VAV2: variants seen among roughly 807,000 people sequenced by gnomAD.
VAV2 encodes guanine nucleotide exchange factor VAV2.
Under a neutral mutation model 132.5 loss-of-function variants are expected in VAV2, and 67 were observed. The ratio of observed to expected loss-of-function variants is 0.51; its 90% CI spans 0.42 to 0.62. The LOEUF is 0.62. VAV2 is among the 20% of genes least tolerant of loss of function. VAV2 has a pLI of 0.00. For missense variants in VAV2, 938 were observed against 1,153.6 expected (o/e 0.81, Z 2.71); for synonymous variants, 492 against 443.5 (o/e 1.11, Z -1.37).
intron 1 of VAV2, among the ~76,000 whole-genome samples, chr9:133,975,510 T>C (rs776639705): frequency 2.6e-5 from 4 of 152,326 alleles, no homozygotes; most frequent in African/African-American, 4.8e-5. Context: ...ACGACATGTA[T>C]TGCGGAAAGT....
intron 2 of VAV2, among the ~76,000 whole-genome samples, chr9:133,877,609 A>T (rs1838312775): frequency 6.6e-6 from 1 of 152,110 alleles, no homozygotes; most frequent in Non-Finnish European, 1.5e-5. Context: ...CTTAAAGGGA[A>T]AGCACCCAGA....
In VAV2 at chr9:133,824,785, T is replaced by A. The variant is rs1835919698; in HGVS notation, c.449+9487A>T. ...GACCCTTGGAGAGACAGAGCTGGGCTCAAATTGCAGCTCTGCCCCCTAGTT... is the reference window on the plus strand; with the variant it reads ...GACCCTTGGAGAGACAGAGCTGGGCACAAATTGCAGCTCTGCCCCCTAGTT... On this transcript the variant is annotated intron_variant, in intron 4 of 29. Transcript: ENST00000371850. The surrounding 1 kb of genome is among the most constrained non-coding windows in gnomAD (Gnocchi z 5.2). 6.6e-6 allele frequency among the ~76,000 whole-genome samples: 1 copy of A among 152,096 alleles called. No individual in the cohort carries two copies. Among genetic ancestry groups the A allele is most frequent in the Admixed American group, 6.5e-5 (1 of 15,286 alleles).
intron 1 of VAV2, among the ~76,000 whole-genome samples, chr9:133,986,405 C>T (rs1261051430): frequency 6.6e-6 from 1 of 152,204 alleles, no homozygotes; most frequent in Non-Finnish European, 1.5e-5. Flanking sequence ...GGGACACAGC[C>T]ACAGGCAGCC....
chr9:133,888,614 T>C (rs1027963749), intron 2 of VAV2, among the ~76,000 whole-genome samples: 1 of 152,172 alleles, frequency 6.6e-6, no homozygotes, highest in Non-Finnish European at 1.5e-5. Flanking sequence ...GGGAAGGGCT[T>C]TTCCAGCTTC....
At chr9:133,915,584 G>GCACACA (rs72509728) in intron 2 of VAV2, among the ~76,000 whole-genome samples, 3 of 150,030 alleles carry the variant, frequency 2.0e-5, no homozygotes, top group Non-Finnish European at 2.9e-5. Context: ...CAAAGACAAG[G>GCACACA]CGCACACACA....
chr9:133,864,787 TCCACTTGTGGACTCCTCGCAGA>T (rs1837736197), intron 2 of VAV2, among the ~76,000 whole-genome samples: 1 of 152,170 alleles, frequency 6.6e-6, no homozygotes, highest in Non-Finnish European at 1.5e-5. Flanking sequence ...GTCCCAATTG[TCCACTTGTGGACTCCTCGCAGA>T]GCCAGGGTCC....
intron 3 of VAV2, among the ~76,000 whole-genome samples, chr9:133,850,713 G>A (rs1837133581): frequency 6.6e-6 from 1 of 152,210 alleles, no homozygotes; most frequent in Non-Finnish European, 1.5e-5. Flanking sequence ...GTCACCTGGA[G>A]ACACCTGCCA....
At chr9:133,900,266 GAA>G (rs1166489063) in intron 2 of VAV2, among the ~76,000 whole-genome samples, 1 of 152,052 alleles carries the variant, frequency 6.6e-6, no homozygotes, top group Non-Finnish European at 1.5e-5. Context: ...AACATTTCAT[GAA>G]AAAAGCCACT....
chr9:133,820,650 G>A (rs1835752166), intron 4 of VAV2, among the ~76,000 whole-genome samples: 1 of 152,148 alleles, frequency 6.6e-6, no homozygotes, highest in African/African-American at 2.4e-5. Context: ...CTTGCACAGG[G>A]AGGTGACACA....
intron 9 of VAV2, among the ~76,000 whole-genome samples, chr9:133,801,287 C>A (rs1050847338): frequency 7.2e-5 from 11 of 152,358 alleles, no homozygotes; most frequent in Middle Eastern, 6.8e-3. Flanking sequence ...GGCCGTGGGA[C>A]GGGCTTCACA....
chr9:133,920,564 G>A (rs1022344419), intron 2 of VAV2, among the ~76,000 whole-genome samples: 5 of 152,184 alleles, frequency 3.3e-5, no homozygotes, highest in South Asian at 4.1e-4. Context: ...ATGGAAAAGC[G>A]TCGCTGATAC....
At chr9:133,881,977 G>A (rs1374367282) in intron 2 of VAV2, among the ~76,000 whole-genome samples, 1 of 152,168 alleles carries the variant, frequency 6.6e-6, no homozygotes, top group African/African-American at 2.4e-5. Context: ...GAGTGTGCGG[G>A]GCTACAAAGG....
rs186996286 is a variant in VAV2 at position 133,824,496 on chromosome 9, G to C, written c.449+9776C>G. 4.9e-4 allele frequency among the ~76,000 whole-genome samples: 75 copies of C among 152,276 alleles called. No homozygotes were observed. Among genetic ancestry groups the C allele is most frequent in the African/African-American group, 1.5e-3 (64 of 41,540 alleles). On this transcript the variant is annotated intron_variant, in intron 4 of 29. Transcript: ENST00000371850. The surrounding 1 kb of genome is among the most constrained non-coding windows in gnomAD (Gnocchi z 5.2). ...CAAGGTAGTGACTGGCCTGGCACAG[G>C]GGGTAAGAGCAGGTTTCCTAAATCA...
intron 1 of VAV2, among the ~76,000 whole-genome samples, chr9:133,983,687 C>T (rs1005344639): frequency 2.0e-5 from 3 of 152,112 alleles, no homozygotes; most frequent in African/African-American, 4.8e-5. Context: ...CTTGCAGCCC[C>T]GGGTCCTTCC....
chr9:133,853,620 G>A (rs1344608131), intron 3 of VAV2, among the ~76,000 whole-genome samples: 5 of 151,944 alleles, frequency 3.3e-5, no homozygotes, highest in Admixed American at 2.6e-4. Flanking sequence ...CACACATGCC[G>A]CCCCCCTTTG....
rs1192233966 is a variant in VAV2, at chr9:133,794,143, C to T, written c.1101+1525G>A. Among the ~76,000 whole-genome samples, 1 of 152,122 alleles carries T rather than the reference C, an allele frequency of 6.6e-6. No homozygotes were observed. Among genetic ancestry groups the T allele is most frequent in the Admixed American group, 6.5e-5 (1 of 15,284 alleles). On this transcript the variant is annotated intron_variant, in intron 12 of 29. Transcript: ENST00000371850. The surrounding 1 kb of genome is among the most constrained non-coding windows in gnomAD (Gnocchi z 4.6). ...CCACACTCAGGGCCCGGGTGCACGG[C>T]CCACTGCACCTGCTGTCACTGTCTC...
intron 2 of VAV2, among the ~76,000 whole-genome samples, chr9:133,906,789 G>A (rs112498962): frequency 0.019 from 2,871 of 152,294 alleles, 35 homozygotes; most frequent in Middle Eastern, 0.034. Context: ...GGGTCCCTGC[G>A]GAGCCAGGCT....
intron 24 of VAV2, 58 bp downstream of exon 24, chr9:133,775,970 T>C: frequency 6.4e-7 from 1 of 1,550,520 alleles, no homozygotes; most frequent in South Asian, 1.2e-5. Context: ...CCGGCGGGCA[T>C]GCCCCCATAA....
intron 2 of VAV2, among the ~76,000 whole-genome samples, chr9:133,872,812 A>G (rs1029325473): frequency 1.3e-5 from 2 of 152,042 alleles, no homozygotes; most frequent in African/African-American, 4.8e-5. Flanking sequence ...GAAGCGGGGC[A>G]GATGGGTGGA....
Sources: allele counts gnomAD v4.1 joint callset (sites outside exome capture counted in the v4.1 genomes callset), GRCh38; gene constraint gnomAD v4.1.1; non-coding constraint Gnocchi (gnomAD v3.1); transcripts MANE v1.5; gene names NCBI Gene and HGNC (gene_info 2026-07-23, HGNC 2026-07-21).